GPC4: variants seen among roughly 807,000 people sequenced by gnomAD.
GPC4 encodes glypican 4.
A neutral mutation model predicts 35.0 loss-of-function variants in GPC4; 10 were observed. The ratio of observed to expected loss-of-function variants is 0.29; its 90% CI spans 0.18 to 0.48. GPC4 has a LOEUF of 0.48. Ranked by LOEUF, GPC4 falls within the 20% of genes least tolerant of loss-of-function variation. GPC4 has a pLI of 0.99. For missense variants in GPC4, 322 were observed against 451.3 expected (o/e 0.71, Z 2.60); for synonymous variants, 167 against 170.2 (o/e 0.98, Z 0.15).
intron 3 of GPC4, among the ~76,000 whole-genome samples, chrX:133,323,077 T>C (rs1398480603): frequency 9.0e-6 from 1 of 111,461 alleles, no homozygotes; most frequent in African/African-American, 3.3e-5. Flanking sequence ...AAAGATTCTC[T>C]GGTGGAACTG....
intron 1 of GPC4, among the ~76,000 whole-genome samples, chrX:133,352,162 G>A (rs2068519155): frequency 8.9e-6 from 1 of 112,165 alleles, no homozygotes; most frequent in Admixed American, 9.5e-5. Context: ...GAGAGATGAT[G>A]CTAAATCAGG....
chrX:133,369,642 A>G (rs113453182), intron 1 of GPC4, among the ~76,000 whole-genome samples: 5 of 112,455 alleles, frequency 4.4e-5, no homozygotes, highest in African/African-American at 1.3e-4. Context: ...TTATTTCTGC[A>G]TATGATATGA....
chrX:133,335,599 A>G (rs1002103348), intron 2 of GPC4, among the ~76,000 whole-genome samples: 20 of 111,749 alleles, frequency 1.8e-4, no homozygotes, highest in Non-Finnish European at 5.6e-5. Flanking sequence ...TGGAGAAGGG[A>G]CTCATCTCTC....
chrX:133,346,071 C>T (rs2068490205), intron 1 of GPC4, among the ~76,000 whole-genome samples: 2 of 111,261 alleles, frequency 1.8e-5, no homozygotes, highest in South Asian at 7.7e-4. Flanking sequence ...GAAGTAGTGG[C>T]CTGCAATCAG....
intron 1 of GPC4, among the ~76,000 whole-genome samples, chrX:133,342,678 G>A (rs2068472503): frequency 9.0e-6 from 1 of 111,578 alleles, no homozygotes; most frequent in South Asian, 3.8e-4. Flanking sequence ...CTGGGGATTC[G>A]GTGCCACAAC....
chrX:133,335,616 A>G (rs1418918463), intron 2 of GPC4, among the ~76,000 whole-genome samples: 1 of 112,247 alleles, frequency 8.9e-6, no homozygotes, highest in Non-Finnish European at 1.9e-5. Flanking sequence ...TCTCAAATCC[A>G]ATGACTATAA....
chrX:133,381,061 A>G (rs1414760181), intron 1 of GPC4, among the ~76,000 whole-genome samples: 1 of 111,089 alleles, frequency 9.0e-6, no homozygotes, highest in Non-Finnish European at 1.9e-5. Context: ...CTCTTTGCAT[A>G]CTAACTGGCC....
chrX:133,303,138 T>C (rs763824967), intron 8 of GPC4, 28 bp downstream of exon 8: 6 of 1,206,873 alleles, frequency 5.0e-6, no homozygotes, highest in Non-Finnish European at 6.7e-6. Flanking sequence ...ACAAGAGCAA[T>C]TCGTACTTTC....
intron 1 of GPC4, among the ~76,000 whole-genome samples, chrX:133,378,241 A>G (rs1279779398): frequency 1.8e-5 from 2 of 110,968 alleles, no homozygotes; most frequent in Admixed American, 9.5e-5. Flanking sequence ...CCATCACCAC[A>G]AGCGTTAATA....
rs1289042509 is a variant in GPC4, at chrX:133,327,636, A to AGTTTGTGTGTGTGTGTGTGT, written c.320-3101_320-3100insACACACACACACACACAAAC. Reference sequence around the variant, plus strand: ...CCATGACTCACATTCTGTCCAGGAAAGTGTGTGTGTGTGTGTGTGTGTGTG... The same window carrying AGTTTGTGTGTGTGTGTGTGT: ...CCATGACTCACATTCTGTCCAGGAAAGTTTGTGTGTGTGTGTGTGTGTGTGTGTGTGTGTGTGTGTGTGTG... On this transcript the variant is annotated intron_variant, in intron 2 of 8. Coordinates refer to ENST00000370828, the MANE Select transcript of GPC4 (RefSeq NM_001448.3). Among the ~76,000 whole-genome samples, 238 of 83,281 alleles carry AGTTTGTGTGTGTGTGTGTGT rather than the reference A, an allele frequency of 2.9e-3. 7 individuals carry two copies. The highest frequency in any genetic ancestry group is 9.8e-3 in the African/African-American group (222 of 22,661). The allele number at this position is 83,281 out of a possible 115,157, so 72.3% of individuals were successfully genotyped here. A position where few individuals can be genotyped will look rare whatever the true frequency, so the allele number is the denominator to read the frequency against.
Position 133,303,337 on chromosome X carries a change from G to C in GPC4, c.1297C>G (p.Leu433Val), listed in dbSNP as rs2068276031. The stretch of plus-strand genomic sequence containing the variant: ...AATCCATTTCCTGTCACTGCAAACA[G>C]GTACCTGGAATGTAAAATGACCCCA... ...CWNGKGKSRY[L>V]FAVTGNGLAN... The change falls in exon 8 of 9, where the codon CTG becomes GTG. Residue 433 changes from leucine (L) to valine (V), a missense_variant. This residue lies in a region of GPC4 where 99 missense variants were observed against 110.0 expected (regional missense o/e 0.90). Transcript: ENST00000370828. 8.3e-7 allele frequency: 1 copy of C among 1,203,235 alleles called. No individual in the cohort carries two copies. The highest frequency in any genetic ancestry group is 1.8e-5 in the African/African-American group (1 of 56,883).
At chrX:133,412,977 G>A (rs1173476498) in intron 1 of GPC4, among the ~76,000 whole-genome samples, 1 of 112,594 alleles carries the variant, frequency 8.9e-6, no homozygotes, top group Admixed American at 9.4e-5. Flanking sequence ...CCCATTAAGT[G>A]CAGAGCTGCA....
Position 133,405,583 on chromosome X carries a change from C to T in GPC4, c.160+9223G>A, listed in dbSNP as rs944610246. Among the ~76,000 whole-genome samples, 3 of 111,631 alleles carry T rather than the reference C, an allele frequency of 2.7e-5. No individual in the cohort carries two copies. The Admixed American group carries it at 2.9e-4, about 11-fold the overall frequency. ...CCAAGATCAGCAAGTTCTGGCTCTC[C>T]CATTCAGCTTCTGGTCACCCTCCAA... On this transcript the variant is annotated intron_variant, in intron 1 of 8. Coordinates refer to ENST00000370828, the MANE Select transcript of GPC4 (RefSeq NM_001448.3).
intron 1 of GPC4, among the ~76,000 whole-genome samples, chrX:133,392,792 G>T (rs1261664701): frequency 9.0e-6 from 1 of 110,537 alleles, no homozygotes; most frequent in Non-Finnish European, 1.9e-5. Context: ...CACCCTTTGA[G>T]CACCTCTTTC....
chrX:133,388,129 C>T (rs376026520), intron 1 of GPC4, among the ~76,000 whole-genome samples: 95 of 111,850 alleles, frequency 8.5e-4, no homozygotes, highest in South Asian at 4.5e-3. Flanking sequence ...AGGTAGGTGG[C>T]AGGCTAGAAT....
At chrX:133,398,058 G>A (rs987821865) in intron 1 of GPC4, among the ~76,000 whole-genome samples, 17 of 111,458 alleles carry the variant, frequency 1.5e-4, no homozygotes, top group Non-Finnish European at 2.6e-4. Flanking sequence ...AGAGAGACTC[G>A]GTCTCAAACA....
chrX:133,343,684 A>C (rs2068476439), intron 1 of GPC4, among the ~76,000 whole-genome samples: 1 of 111,450 alleles, frequency 9.0e-6, no homozygotes, highest in Non-Finnish European at 1.9e-5. Flanking sequence ...GTGCTTTTAA[A>C]GCTTAACTCT....
chrX:133,383,462 G>A (rs753501768), intron 1 of GPC4, among the ~76,000 whole-genome samples: 2 of 110,881 alleles, frequency 1.8e-5, no homozygotes, highest in Non-Finnish European at 3.8e-5. Flanking sequence ...GAATTTTAGG[G>A]CAGTGAAACT....
At chrX:133,396,278 G>A (rs1034652664) in intron 1 of GPC4, among the ~76,000 whole-genome samples, 3 of 111,563 alleles carry the variant, frequency 2.7e-5, no homozygotes, top group East Asian at 5.6e-4. Context: ...CACACATCTA[G>A]TAACTGTTGA....
Sources: gnomAD v4.1 joint callset for allele counts (sites outside exome capture counted in the v4.1 genomes callset) on GRCh38, gnomAD v4.1.1 for gene constraint, gnomAD v4.1.1 regional missense constraint, MANE v1.5 for transcripts, NCBI Gene and HGNC (gene_info 2026-07-23, HGNC 2026-07-21) for gene names.